The following OPCML variants were observed in gnomAD, a reference collection of about 807,000 sequenced individuals.
OPCML encodes opioid-binding protein/cell adhesion molecule.
Under a neutral mutation model 37.8 loss-of-function variants are expected in OPCML, and 13 were observed. The ratio of observed to expected loss-of-function variants is 0.34; its 90% confidence interval spans 0.22 to 0.55. OPCML has a LOEUF of 0.55. Ranked by LOEUF, OPCML falls within the 20% of genes least tolerant of loss-of-function variation. The pLI, the probability that OPCML is intolerant of heterozygous loss-of-function variation, is 0.91. For missense variants in OPCML, 341 were observed against 435.6 expected (o/e 0.78, Z 1.93); for synonymous variants, 176 against 168.8 (o/e 1.04, Z -0.33).
intron 2 of OPCML, among the ~76,000 whole-genome samples, chr11:132,937,000 T>C (rs1945399903): frequency 6.6e-6 from 1 of 152,208 alleles, no homozygotes; most frequent in African/African-American, 2.4e-5. Flanking sequence ...TCTAACTTAT[T>C]AGGCAATGCA....
In OPCML at chr11:133,111,095, T is replaced by G. The variant is rs987268641; in HGVS notation, c.62-168085A>C. ...TGTTTCTGGGTCAAAGTTAGCAACA[T>G]TATTCTCCTCCTCTAAGCCAGTTTG... On this transcript the variant is annotated intron_variant, in intron 1 of 7. Transcript: ENST00000524381. Among the ~76,000 whole-genome samples, 3 of 152,322 alleles carry G rather than the reference T, an allele frequency of 2.0e-5. No individual in the cohort carries two copies. The South Asian group carries it at 6.2e-4, about 32-fold the overall frequency.
At chr11:132,436,908 TC>T (rs2096015155) in intron 5 of OPCML, 129 bp from the exon 6 acceptor site, 4 of 1,460,656 alleles carry the variant, frequency 2.7e-6, no homozygotes, top group Middle Eastern at 2.5e-4. Context: ...CAACCCTCTT[TC>T]CCAGTAAAAT....
chr11:132,539,534 A>C (rs79346100), intron 3 of OPCML, among the ~76,000 whole-genome samples: 7,210 of 151,884 alleles, frequency 0.047, 439 homozygotes, highest in East Asian at 0.18. Flanking sequence ...GCTGCTGCTG[A>C]TGATGATGAT....
chr11:132,654,247 T>C (rs372006289), intron 3 of OPCML, among the ~76,000 whole-genome samples: 8 of 152,202 alleles, frequency 5.3e-5, no homozygotes, highest in African/African-American at 1.4e-4. Context: ...ATAATTCAGC[T>C]TTCTGATCTC....
At chr11:133,316,214 G>T (rs1348475378) in intron 1 of OPCML, among the ~76,000 whole-genome samples, 1 of 152,128 alleles carries the variant, frequency 6.6e-6, no homozygotes, top group Non-Finnish European at 1.5e-5. Flanking sequence ...ACAAGACTGA[G>T]GTGGTTGAAG....
At chr11:132,658,207 A>ATCTAAAGT (rs1941797538) in intron 2 of OPCML, among the ~76,000 whole-genome samples, 1 of 152,200 alleles carries the variant, frequency 6.6e-6, no homozygotes, top group Non-Finnish European at 1.5e-5. Context: ...CTAAGTGTGG[A>ATCTAAAGT]GGCACACCCA....
At chr11:132,668,316 T>C (rs1942310963) in intron 2 of OPCML, among the ~76,000 whole-genome samples, 1 of 152,162 alleles carries the variant, frequency 6.6e-6, no homozygotes, top group South Asian at 2.1e-4. Flanking sequence ...TCGAGCATTA[T>C]AGAGATAATA....
At position 133,294,814 on chromosome 11, in the gene OPCML, T is replaced by C. The variant is rs562964668; in HGVS notation, c.61+237450A>G. Among the ~76,000 whole-genome samples, 134 of 134,344 alleles carry C rather than the reference T, an allele frequency of 1.0e-3. 2 individuals carry two copies. In the Middle Eastern group the frequency reaches 0.019, roughly 19 times the overall value. 88.1% of individuals were successfully genotyped at this position (134,344 alleles called of 152,430 possible). A position where few individuals can be genotyped will look rare whatever the true frequency, so the allele number is the denominator to read the frequency against. On this transcript the variant is annotated intron_variant, in intron 1 of 7. Transcript: ENST00000524381. ...TTTTTTTTTTCTTTCTTTCTTTCTTTCTTTTTTTTTTTTTTTTTTTTTTTT... is the reference window on the plus strand; with the variant it reads ...TTTTTTTTTTCTTTCTTTCTTTCTTCCTTTTTTTTTTTTTTTTTTTTTTTT...
intron 3 of OPCML, among the ~76,000 whole-genome samples, chr11:132,571,425 C>A (rs570672577): frequency 6.6e-6 from 1 of 152,288 alleles, no homozygotes; most frequent in Admixed American, 6.5e-5. Context: ...CTCTGGAGAA[C>A]CCTGACTAAT....
At chr11:132,910,973 A>G (rs570047244) in intron 2 of OPCML, among the ~76,000 whole-genome samples, 2 of 152,242 alleles carry the variant, frequency 1.3e-5, no homozygotes, top group Non-Finnish European at 2.9e-5. Flanking sequence ...AATGATGGAG[A>G]TCATTTAGCA....
intron 2 of OPCML, among the ~76,000 whole-genome samples, chr11:132,915,144 C>T (rs192171313): frequency 6.6e-6 from 1 of 151,908 alleles, no homozygotes; most frequent in East Asian, 1.9e-4. Context: ...TACCTTGCTG[C>T]CTCATTCTCA....
At chr11:132,684,008 C>G (rs759458182) in intron 2 of OPCML, among the ~76,000 whole-genome samples, 1 of 152,040 alleles carries the variant, frequency 6.6e-6, no homozygotes, top group East Asian at 1.9e-4. Flanking sequence ...TGTATTGACC[C>G]TTTTAGTATT....
At chr11:133,134,274 C>G (rs1949648071) in intron 1 of OPCML, among the ~76,000 whole-genome samples, 1 of 152,168 alleles carries the variant, frequency 6.6e-6, no homozygotes, top group Non-Finnish European at 1.5e-5. Context: ...CTTCACTTCC[C>G]CACTTGCAGA....
At chr11:133,191,253 TTGAC>T (rs1255471039) in intron 1 of OPCML, among the ~76,000 whole-genome samples, 1 of 152,188 alleles carries the variant, frequency 6.6e-6, no homozygotes, top group Non-Finnish European at 1.5e-5. Context: ...CAGGTGCTTA[TTGAC>T]TATCTGTGTA....
intron 1 of OPCML, among the ~76,000 whole-genome samples, chr11:133,410,396 C>T (rs1249667425): frequency 6.6e-6 from 1 of 152,000 alleles, no homozygotes; most frequent in African/African-American, 2.4e-5. Flanking sequence ...GCTATGACTA[C>T]ATCTGTGGTT....
chr11:132,565,997 C>T (rs1053324087), intron 3 of OPCML, among the ~76,000 whole-genome samples: 12 of 152,192 alleles, frequency 7.9e-5, no homozygotes, highest in Non-Finnish European at 1.3e-4. Context: ...TGCACAACTG[C>T]ACTCCAGCCT....
At chr11:133,329,300 C>T (rs953985466) in intron 1 of OPCML, among the ~76,000 whole-genome samples, 15 of 152,154 alleles carry the variant, frequency 9.9e-5, no homozygotes, top group African/African-American at 3.6e-4. Flanking sequence ...ATCAAGCTAC[C>T]AATGACTATC....
chr11:133,488,242 T>A (rs1947574367), intron 1 of OPCML, among the ~76,000 whole-genome samples: 2 of 152,070 alleles, frequency 1.3e-5, no homozygotes, highest in South Asian at 4.2e-4. Flanking sequence ...CTATTCTCCA[T>A]AGTACTGGAA....
At position 133,517,704 on chromosome 11, in the gene OPCML, G is replaced by A. The variant is rs180829305; in HGVS notation, c.61+14560C>T. Reference sequence around the variant, plus strand: ...GGTGCCAGGGTCCAAGCAGCAGTGAGCAGCGCCAGGCCACAGAGCTGAATG... The same window carrying A: ...GGTGCCAGGGTCCAAGCAGCAGTGAACAGCGCCAGGCCACAGAGCTGAATG... On this transcript the variant is annotated intron_variant, in intron 1 of 7. Coordinates refer to ENST00000524381, the MANE Select transcript of OPCML (RefSeq NM_001012393.5). 1.7e-4 allele frequency among the ~76,000 whole-genome samples: 26 copies of A among 152,350 alleles called. 1 individual carries two copies. Among genetic ancestry groups the A allele is most frequent in the Admixed American group, 1.2e-3 (19 of 15,308 alleles).
Sources: gnomAD v4.1 joint callset for allele counts (sites outside exome capture counted in the v4.1 genomes callset) on GRCh38, gnomAD v4.1.1 for gene constraint, MANE v1.5 for transcripts, NCBI Gene and HGNC (gene_info 2026-07-23, HGNC 2026-07-21) for gene names.